ADGRL2: variants seen among roughly 807,000 people sequenced by gnomAD.
The protein encoded by ADGRL2 is adhesion G protein-coupled receptor L2.
In ADGRL2, 44 loss-of-function variants were observed where a neutral mutation model predicts 157.4. That is an observed-to-expected ratio of 0.28 (90% CI 0.22 to 0.36). ADGRL2 has a LOEUF of 0.36. Ranked by LOEUF, ADGRL2 falls within the 10% of genes least tolerant of loss-of-function variation. The pLI is 1.00. For missense variants in ADGRL2, 1,510 were observed against 1,768.9 expected, an observed-to-expected ratio of 0.85 and a Z score of 2.63; for synonymous variants, 585 against 624.7, an observed-to-expected ratio of 0.94 and a Z score of 0.95.
chr1:81,790,473 AT>A (rs2087280456), intron 2 of ADGRL2, among the ~76,000 whole-genome samples: 1 of 152,214 alleles, frequency 6.6e-6, no homozygotes, highest in Non-Finnish European at 1.5e-5. Context: ...GCCTACAAAA[AT>A]ATTTCAATTA....
intron 2 of ADGRL2, among the ~76,000 whole-genome samples, chr1:81,906,712 C>T (rs17469348): frequency 6.6e-6 from 1 of 151,784 alleles, no homozygotes; most frequent in African/African-American, 2.4e-5. Flanking sequence ...AACTTGTCAC[C>T]GTTTATAAAA....
intron 3 of ADGRL2, among the ~76,000 whole-genome samples, chr1:81,674,968 A>G (rs2082955876): frequency 1.3e-5 from 2 of 152,238 alleles, no homozygotes; most frequent in Admixed American, 6.5e-5. Context: ...GCTGGAGGCC[A>G]TATCATTTTC....
At chr1:81,826,180 A>G (rs946352465) in intron 1 of ADGRL2, among the ~76,000 whole-genome samples, 1 of 152,130 alleles carries the variant, frequency 6.6e-6, no homozygotes, top group Non-Finnish European at 1.5e-5. Flanking sequence ...GCACATATAT[A>G]TTTAGTAAGC....
At chr1:81,520,693 C>T (rs11585589) in intron 2 of ADGRL2, among the ~76,000 whole-genome samples, 10 of 152,158 alleles carry the variant, frequency 6.6e-5, no homozygotes, top group African/African-American at 1.2e-4. Context: ...TGTAAGTTCC[C>T]TGAGGCCTCC....
chr1:81,791,066 CAAAAAAAA>C (rs11411906), intron 2 of ADGRL2, among the ~76,000 whole-genome samples: 7 of 37,462 alleles, frequency 1.9e-4, no homozygotes, highest in African/African-American at 9.0e-4. Context: ...GACCCTATCT[CAAAAAAAA>C]AAAAAAAAAA....
chr1:81,906,994 T>A (rs781770647), intron 2 of ADGRL2, 23 bp from the exon 3 acceptor site: 1 of 1,577,836 alleles, frequency 6.3e-7, no homozygotes, highest in East Asian at 2.3e-5. Context: ...TACAGTTTAA[T>A]TTTCTTTCTT....
intron 3 of ADGRL2, among the ~76,000 whole-genome samples, chr1:81,677,729 G>T (rs781764272): frequency 6.6e-6 from 1 of 152,030 alleles, no homozygotes; most frequent in African/African-American, 2.4e-5. Context: ...ACCCTTACCC[G>T]AAGACTCAAC....
intron 3 of ADGRL2, among the ~76,000 whole-genome samples, chr1:81,665,994 G>T (rs1373729876): frequency 1.3e-5 from 2 of 152,094 alleles, no homozygotes; most frequent in African/African-American, 4.8e-5. Flanking sequence ...CCCTAAAGCT[G>T]AATAGCTGGA....
intron 1 of ADGRL2, among the ~76,000 whole-genome samples, chr1:81,428,800 G>A (rs61773166): frequency 1.3e-5 from 2 of 151,912 alleles, no homozygotes; most frequent in Non-Finnish European, 2.9e-5. Context: ...GAGAAACTTC[G>A]CTTGGTCAAA....
chr1:81,799,460 A>G (rs2087767898), upstream of ADGRL2, among the ~76,000 whole-genome samples: 1 of 152,214 alleles, frequency 6.6e-6, no homozygotes, highest in African/African-American at 2.4e-5. Context: ...AACATGTTCT[A>G]GTTATTTGGA....
intron 3 of ADGRL2, among the ~76,000 whole-genome samples, chr1:81,609,031 T>C (rs961324740): frequency 1.4e-5 from 2 of 143,122 alleles, no homozygotes; most frequent in Admixed American, 7.3e-5. Context: ...AGCAAATACA[T>C]GTACAAGTGA....
intron 23 of ADGRL2, among the ~76,000 whole-genome samples, chr1:81,988,818 A>T (rs767210029): frequency 2.6e-5 from 4 of 152,092 alleles, no homozygotes; most frequent in Non-Finnish European, 4.4e-5. Flanking sequence ...CAGCTTTAAG[A>T]GTGGAGTGAG....
chr1:81,432,658 TCCTGCC>T (rs777578854), intron 1 of ADGRL2, among the ~76,000 whole-genome samples: 2 of 152,172 alleles, frequency 1.3e-5, no homozygotes, highest in Non-Finnish European at 2.9e-5. Context: ...TGTTTCATCT[TCCTGCC>T]CCCCTCCTCG....
At chr1:81,383,452 G>A (rs1027368013) in intron 1 of ADGRL2, among the ~76,000 whole-genome samples, 2 of 152,086 alleles carry the variant, frequency 1.3e-5, no homozygotes, top group Admixed American at 6.5e-5. Context: ...GAGCCACCAC[G>A]GGTGATTATA....
intron 3 of ADGRL2, among the ~76,000 whole-genome samples, chr1:81,620,361 A>G (rs546636112): frequency 1.3e-5 from 2 of 152,378 alleles, no homozygotes; most frequent in South Asian, 4.1e-4. Flanking sequence ...CATATGAAGT[A>G]CATGGTTTTA....
chr1:81,654,250 C>A (rs2082483175), intron 3 of ADGRL2, among the ~76,000 whole-genome samples: 1 of 152,144 alleles, frequency 6.6e-6, no homozygotes, highest in Non-Finnish European at 1.5e-5. Context: ...CCAGCCTCCG[C>A]TTCTTTCTTG....
At chr1:81,581,409 C>T (rs1266410907) in intron 3 of ADGRL2, among the ~76,000 whole-genome samples, 1 of 152,134 alleles carries the variant, frequency 6.6e-6, no homozygotes, top group Non-Finnish European at 1.5e-5. Context: ...TTATCAGATT[C>T]AGCAGCTCCA....
chr1:81,575,956 T>C (rs537605106), intron 2 of ADGRL2, among the ~76,000 whole-genome samples: 12 of 152,284 alleles, frequency 7.9e-5, no homozygotes, highest in African/African-American at 2.6e-4. Context: ...CAACACATTA[T>C]CCATTTTGTT....
At chr1:81,323,293 G>A (rs925924964) in intron 1 of ADGRL2, among the ~76,000 whole-genome samples, 1 of 152,082 alleles carries the variant, frequency 6.6e-6, no homozygotes, top group Non-Finnish European at 1.5e-5. Flanking sequence ...CCAGGCTGGA[G>A]TGTGGTGGTA....
Sources: gnomAD v4.1 joint callset for allele counts (sites outside exome capture counted in the v4.1 genomes callset) on GRCh38, gnomAD v4.1.1 for gene constraint, MANE v1.5 for transcripts, NCBI Gene and HGNC (gene_info 2026-07-23, HGNC 2026-07-21) for gene names.